Variants in CSMD1 observed in about 807,000 individuals in gnomAD.
CSMD1 encodes the protein CUB and Sushi multiple domains 1, also known as CUB and sushi domain-containing protein 1.
A neutral mutation model predicts 417.5 loss-of-function variants in CSMD1; 213 were observed. That is an observed-to-expected ratio of 0.51 (90% CI 0.46 to 0.57). The LOEUF (loss-of-function observed/expected upper bound fraction) is 0.57, where lower values mean the gene tolerates loss of function less well. CSMD1 is among the 20% of genes least tolerant of loss of function. The pLI is 0.00. For synonymous variants in CSMD1, 2,862 were observed against 1,736.8 expected (o/e 1.65, Z -16.11); for missense variants, 6,923 against 4,529.7 (o/e 1.53, Z -15.17).
intron 1 of CSMD1, among the ~76,000 whole-genome samples, chr8:4,799,969 T>G (rs1249263200): frequency 6.6e-6 from 1 of 151,038 alleles, no homozygotes; most frequent in Non-Finnish European, 1.5e-5. Flanking sequence ...ACACTGATGC[T>G]TCTCATTTTT....
chr8:3,776,617 G>C (rs1410575395), intron 5 of CSMD1, among the ~76,000 whole-genome samples: 1 of 151,982 alleles, frequency 6.6e-6, no homozygotes, highest in Non-Finnish European at 1.5e-5. Flanking sequence ...TGACATTGTA[G>C]ACTCCATATC....
At chr8:3,731,274 A>G (rs1585147984) in intron 6 of CSMD1, among the ~76,000 whole-genome samples, 1 of 152,170 alleles carries the variant, frequency 6.6e-6, no homozygotes, top group Non-Finnish European at 1.5e-5. Flanking sequence ...ACCAGCATTT[A>G]TGGAGATACA....
chr8:4,395,084 T>A (rs182920537), intron 3 of CSMD1, among the ~76,000 whole-genome samples: 1 of 152,174 alleles, frequency 6.6e-6, no homozygotes, highest in African/African-American at 2.4e-5. Flanking sequence ...TGGCACCTCC[T>A]GCACCCACAT....
intron 3 of CSMD1, among the ~76,000 whole-genome samples, chr8:4,234,432 C>G (rs1265931374): frequency 6.6e-6 from 1 of 152,120 alleles, no homozygotes; most frequent in African/African-American, 2.4e-5. Flanking sequence ...TGGAAACTAC[C>G]TTTGCTACCA....
chr8:3,930,195 A>C (rs1810042939), intron 5 of CSMD1, among the ~76,000 whole-genome samples: 1 of 150,396 alleles, frequency 6.6e-6, no homozygotes, highest in African/African-American at 2.4e-5. Context: ...CGTATCTATT[A>C]GATGATGATT....
intron 5 of CSMD1, among the ~76,000 whole-genome samples, chr8:3,971,664 C>G (rs2554625): frequency 0.73 from 110,172 of 151,892 alleles, 40,784 homozygotes; most frequent in East Asian, 0.94. Context: ...CCGTGTGGAA[C>G]ATGGGGGTAC....
chr8:3,103,954 G>A (rs1815941753), intron 46 of CSMD1, among the ~76,000 whole-genome samples: 1 of 151,828 alleles, frequency 6.6e-6, no homozygotes, highest in South Asian at 2.1e-4. Flanking sequence ...TGTTGGTCAC[G>A]GTGGTCTTGA....
intron 1 of CSMD1, among the ~76,000 whole-genome samples, chr8:4,911,470 G>C (rs553164093): frequency 6.6e-6 from 1 of 152,108 alleles, no homozygotes; most frequent in African/African-American, 2.4e-5. Flanking sequence ...CATAGGATGT[G>C]ATTAAGGTGT....
chr8:4,839,079 G>A (rs535992794), intron 1 of CSMD1, among the ~76,000 whole-genome samples: 7 of 152,074 alleles, frequency 4.6e-5, no homozygotes, highest in African/African-American at 9.7e-5. Flanking sequence ...TTCTGACCTG[G>A]TATTTTACTC....
At chr8:4,639,617 G>A (rs551544535) in intron 1 of CSMD1, among the ~76,000 whole-genome samples, 1 of 152,256 alleles carries the variant, frequency 6.6e-6, no homozygotes, top group Non-Finnish European at 1.5e-5. Context: ...GAAGGGACCT[G>A]GGTGTACTCA....
intron 12 of CSMD1, among the ~76,000 whole-genome samples, chr8:3,426,998 G>C (rs746507761): frequency 4.6e-5 from 7 of 152,074 alleles, no homozygotes; most frequent in Non-Finnish European, 8.8e-5. Flanking sequence ...ATGAAGGAGA[G>C]GAATGCAGGG....
intron 2 of CSMD1, among the ~76,000 whole-genome samples, chr8:4,583,557 C>T (rs1386384847): frequency 6.6e-6 from 1 of 152,106 alleles, no homozygotes; most frequent in African/African-American, 2.4e-5. Context: ...ACACACCAAT[C>T]AGCACCCTGT....
intron 27 of CSMD1, among the ~76,000 whole-genome samples, chr8:3,227,914 T>A (rs994943642): frequency 2.0e-5 from 3 of 151,906 alleles, no homozygotes; most frequent in African/African-American, 7.3e-5. Flanking sequence ...ATCACAGGCA[T>A]GCACCACCAC....
chr8:2,998,075 C>A lies in CSMD1; in HGVS notation c.8313G>T (p.Gln2771His). 1 of 1,614,030 alleles carries A rather than the reference C, an allele frequency of 6.2e-7. No homozygotes were observed. Among genetic ancestry groups the A allele is most frequent in the Non-Finnish European group, 8.5e-7 (1 of 1,179,888 alleles). Residue 2771 changes from glutamine (Q) to histidine (H), a missense_variant, in exon 54 of 70, where the codon CAG (glutamine) becomes CAT (histidine). By Grantham distance (24) the Gln-to-His change is conservative. Coordinates refer to ENST00000635120, the MANE Select transcript of CSMD1 (RefSeq NM_033225.6). The part of the protein sequence containing the change: ...NFTCNTGYLL[Q>H]GVSRAQCRSN... ...TCCGACACTGGGCTCGAGACACGCC[C>A]TGCAGCAAATAGCCCGTGTTGCAGG...
chr8:3,978,299 C>A (rs994187235), intron 5 of CSMD1, among the ~76,000 whole-genome samples: 2 of 152,164 alleles, frequency 1.3e-5, no homozygotes, highest in Admixed American at 6.5e-5. Flanking sequence ...CACACAAACC[C>A]CACAAAAACA....
At chr8:4,139,340 G>C (rs1193967026) in intron 3 of CSMD1, among the ~76,000 whole-genome samples, 4 of 152,178 alleles carry the variant, frequency 2.6e-5, no homozygotes, top group Non-Finnish European at 4.4e-5. Flanking sequence ...CAAACGTAAT[G>C]AAAATTTTTT....
In CSMD1 at chr8:4,678,131, T is replaced by C. The variant is rs185616034; in HGVS notation, c.86-40573A>G. Among the ~76,000 whole-genome samples the C allele has an allele frequency of 1.2e-3, 175 of 151,868 alleles. 2 individuals carry two copies. The highest frequency in any genetic ancestry group is 3.9e-3 in the African/African-American group (162 of 41,248). On this transcript the variant is annotated intron_variant, in intron 1 of 69. Transcript: ENST00000635120. ...AGCAAAACAGTCTAAAAAGAATTTT[T>C]CTTTTTTTTTTGGCCACTTCTGTAA...
At chr8:4,460,187 T>C (rs1046541834) in intron 2 of CSMD1, among the ~76,000 whole-genome samples, 2 of 151,966 alleles carry the variant, frequency 1.3e-5, no homozygotes, top group African/African-American at 4.8e-5. Flanking sequence ...TGCAAGAAAA[T>C]TAGAATTTGA....
chr8:3,760,684 A>C (rs1797944200), intron 5 of CSMD1, among the ~76,000 whole-genome samples: 1 of 152,196 alleles, frequency 6.6e-6, no homozygotes, highest in South Asian at 2.1e-4. Context: ...TGGAAATGCT[A>C]ATGGTTTTGG....
Sources: allele counts gnomAD v4.1 joint callset (sites outside exome capture counted in the v4.1 genomes callset), GRCh38; gene constraint gnomAD v4.1.1; transcripts MANE v1.5; gene names NCBI Gene and HGNC (gene_info 2026-07-23, HGNC 2026-07-21).